Variants in CNTNAP2 observed in about 807,000 individuals in gnomAD.
CNTNAP2 encodes the protein contactin associated protein 2.
Under a neutral mutation model 155.2 loss-of-function variants are expected in CNTNAP2, and 98 were observed. That is an observed-to-expected ratio of 0.63 (90% CI 0.54 to 0.75). CNTNAP2 has a LOEUF of 0.75. CNTNAP2 is among the 30% of genes least tolerant of loss of function. CNTNAP2 has a pLI of 0.00. For synonymous variants in CNTNAP2, 651 were observed against 631.2 expected (o/e 1.03, Z -0.47); for missense variants, 1,727 against 1,688.1 (o/e 1.02, Z -0.40).
intron 18 of CNTNAP2, among the ~76,000 whole-genome samples, chr7:148,195,330 TG>T (rs1386763988): frequency 6.6e-6 from 1 of 152,210 alleles, no homozygotes; most frequent in Admixed American, 6.5e-5. Flanking sequence ...TTCTTGGTCC[TG>T]GAGATGTTTA....
intron 13 of CNTNAP2, among the ~76,000 whole-genome samples, chr7:147,786,564 C>A (rs1033190408): frequency 4.6e-5 from 7 of 152,124 alleles, no homozygotes; most frequent in Non-Finnish European, 1.0e-4. Context: ...CTTTGAAAAG[C>A]CTGCAGAGGA....
rs545556349 is a variant in CNTNAP2, at chr7:146,698,208, A to C, written c.98-76063A>C. ...GAACAAATTTTATGTTGTATCCTCT[A>C]AGAACCAAAAAAAATTATTTTACCT... On this transcript the variant is annotated intron_variant, in intron 1 of 23. Coordinates refer to ENST00000361727, the MANE Select transcript of CNTNAP2 (RefSeq NM_014141.6). Among the ~76,000 whole-genome samples, 52 of 152,200 alleles carry C rather than the reference A, an allele frequency of 3.4e-4. No individual in the cohort carries two copies. The Middle Eastern group carries it at 0.01, about 30-fold the overall frequency.
At chr7:147,506,954 TCCCC>T (rs749120999) in intron 11 of CNTNAP2, among the ~76,000 whole-genome samples, 29 of 152,150 alleles carry the variant, frequency 1.9e-4, no homozygotes, top group Admixed American at 1.2e-3. Flanking sequence ...TGATCCTCAC[TCCCC>T]TCTCCTGTCA....
chr7:146,814,982 T>C (rs1467522480), intron 2 of CNTNAP2, among the ~76,000 whole-genome samples: 1 of 152,180 alleles, frequency 6.6e-6, no homozygotes, highest in African/African-American at 2.4e-5. Context: ...GAAATAATTT[T>C]CCTTTATGTT....
chr7:148,304,443 A>G (rs931253365), intron 21 of CNTNAP2, among the ~76,000 whole-genome samples: 4 of 152,038 alleles, frequency 2.6e-5, no homozygotes, highest in African/African-American at 9.7e-5. Flanking sequence ...TTCCTTTGGC[A>G]TTTGTCTTTA....
chr7:148,175,728 C>G (rs1794922628), intron 18 of CNTNAP2, among the ~76,000 whole-genome samples: 1 of 152,090 alleles, frequency 6.6e-6, no homozygotes, highest in African/African-American at 2.4e-5. Context: ...CCCAGGGGGA[C>G]AGATAAGCTA....
chr7:147,408,344 C>G lies in CNTNAP2; in HGVS notation c.1670+12564C>G, dbSNP rs577761496. The stretch of plus-strand genomic sequence containing the variant: ...AGGCATTCCAGGGAGCTGGAAAGTA[C>G]ATGGGTGTGAATGACTTGAGTACGT... On this transcript the variant is annotated intron_variant, in intron 10 of 23. Transcript: ENST00000361727. 1.9e-4 allele frequency among the ~76,000 whole-genome samples: 29 copies of G among 152,256 alleles called. 1 individual carries two copies. The highest frequency in any genetic ancestry group is 6.0e-4 in the African/African-American group (25 of 41,558).
intron 3 of CNTNAP2, among the ~76,000 whole-genome samples, chr7:146,935,756 G>C (rs1414838578): frequency 6.6e-6 from 1 of 152,114 alleles, no homozygotes; most frequent in Non-Finnish European, 1.5e-5. Context: ...GAAAGCATTG[G>C]GTATTACAGA....
rs376849755 is a variant in CNTNAP2 at position 147,359,965 on chromosome 7, C to T, written c.1499-35644C>T. 2.9e-4 allele frequency among the ~76,000 whole-genome samples: 44 copies of T among 152,106 alleles called. 2 individuals carry two copies. The highest frequency in any genetic ancestry group is 1.0e-3 in the African/African-American group (43 of 41,508). ...ACTTGAATATAAACTTGATTATAAA[C>T]GTGAAAGTTCAAAGAATTTTGTCTG... On this transcript the variant is annotated intron_variant, in intron 9 of 23. Transcript: ENST00000361727.
At chr7:146,125,567 C>G (rs1246597152) in intron 1 of CNTNAP2, among the ~76,000 whole-genome samples, 2 of 115,276 alleles carry the variant, frequency 1.7e-5, no homozygotes, top group Admixed American at 1.3e-4. Context: ...CAGAGCAGAG[C>G]GAGACTCCGT....
intron 1 of CNTNAP2, among the ~76,000 whole-genome samples, chr7:146,247,813 G>A (rs963414298): frequency 1.3e-5 from 2 of 152,160 alleles, no homozygotes; most frequent in Non-Finnish European, 2.9e-5. Context: ...AGGAGAAGAA[G>A]GAGGAATGGA....
intron 10 of CNTNAP2, among the ~76,000 whole-genome samples, chr7:147,400,360 A>G (rs145582285): frequency 5.3e-5 from 8 of 152,316 alleles, no homozygotes; most frequent in Non-Finnish European, 1.0e-4. Context: ...GAGACTCGCT[A>G]CAACAGATCT....
chr7:147,720,630 T>G (rs146465571), intron 13 of CNTNAP2, among the ~76,000 whole-genome samples: 8 of 152,214 alleles, frequency 5.3e-5, no homozygotes, highest in Non-Finnish European at 1.0e-4. Context: ...TCCCCCATGC[T>G]GTTCTCACGA....
intron 10 of CNTNAP2, among the ~76,000 whole-genome samples, chr7:147,450,787 A>G (rs1302290976): frequency 6.6e-6 from 1 of 152,224 alleles, no homozygotes; most frequent in African/African-American, 2.4e-5. Flanking sequence ...CTATTCTTGT[A>G]TAAAGATGCT....
Position 146,558,076 on chromosome 7 carries a change from C to T in CNTNAP2, c.98-216195C>T, listed in dbSNP as rs371613864. 3.3e-5 allele frequency among the ~76,000 whole-genome samples: 5 copies of T among 152,252 alleles called. No homozygotes were observed. The East Asian group carries it at 9.7e-4, about 29-fold the overall frequency. On this transcript the variant is annotated intron_variant, in intron 1 of 23. Coordinates refer to ENST00000361727, the MANE Select transcript of CNTNAP2 (RefSeq NM_014141.6). The stretch of plus-strand genomic sequence containing the variant: ...GGCATGACAGTTTCACTTAGACAGA[C>T]ATGACAGTTTTCTGTTAGCAGGACC...
In CNTNAP2 at chr7:146,377,870, A is replaced by C. The variant is rs748110038; in HGVS notation, c.97+260897A>C. On this transcript the variant is annotated intron_variant, in intron 1 of 23. Transcript: ENST00000361727. ...TGGATTATGAGTAATATAACATGCAAATTCTGATTCAATAGGCCCAACGTG... is the reference window on the plus strand; with the variant it reads ...TGGATTATGAGTAATATAACATGCACATTCTGATTCAATAGGCCCAACGTG... Among the ~76,000 whole-genome samples, 30 of 152,228 alleles carry C rather than the reference A, an allele frequency of 2.0e-4. 1 individual carries two copies. The highest frequency in any genetic ancestry group is 3.7e-4 in the Non-Finnish European group (25 of 68,040).
chr7:147,359,319 C>T (rs1401291722), intron 9 of CNTNAP2, among the ~76,000 whole-genome samples: 1 of 152,098 alleles, frequency 6.6e-6, no homozygotes, highest in Non-Finnish European at 1.5e-5. Flanking sequence ...AAATCTGCTA[C>T]CTGCTGTCCC....
chr7:147,485,443 T>A (rs1036464876), intron 10 of CNTNAP2, among the ~76,000 whole-genome samples: 2 of 152,170 alleles, frequency 1.3e-5, no homozygotes, highest in Non-Finnish European at 2.9e-5. Context: ...GACTTAGAAA[T>A]CTTTTCTTTC....
intron 21 of CNTNAP2, among the ~76,000 whole-genome samples, chr7:148,276,829 A>G (rs1796877956): frequency 6.6e-6 from 1 of 152,244 alleles, no homozygotes; most frequent in South Asian, 2.1e-4. Context: ...GGAGGTTGCC[A>G]TGGTTATCAC....
Sources: allele counts gnomAD v4.1 joint callset (sites outside exome capture counted in the v4.1 genomes callset), GRCh38; gene constraint gnomAD v4.1.1; transcripts MANE v1.5; gene names NCBI Gene and HGNC (gene_info 2026-07-23, HGNC 2026-07-21).